Variants in DOCK8 observed in about 807,000 individuals in gnomAD.
DOCK8 encodes dedicator of cytokinesis 8, also known as dedicator of cytokinesis protein 8.
In DOCK8, 141 loss-of-function variants were observed where a neutral mutation model predicts 245.6. The observed-to-expected ratio is 0.57, with a 90% CI of 0.50 to 0.66. The LOEUF (loss-of-function observed/expected upper bound fraction) is 0.66. Among genes scored for constraint, DOCK8 ranks in the 30% least tolerant of loss-of-function variants. The pLI is 0.00. For missense variants in DOCK8, 2,965 were observed against 2,603.4 expected (o/e 1.14, Z -3.02); for synonymous variants, 1,168 against 970.2 (o/e 1.20, Z -3.79).
intron 8 of DOCK8, among the ~76,000 whole-genome samples, chr9:326,508 C>T (rs180983981): frequency 0.015 from 2,339 of 152,308 alleles, 21 homozygotes; most frequent in Non-Finnish European, 0.023. Flanking sequence ...GTTTCTGATT[C>T]AGCAAGTCCA....
At chr9:251,899 C>T (rs1444611545) in intron 1 of DOCK8, among the ~76,000 whole-genome samples, 1 of 151,416 alleles carries the variant, frequency 6.6e-6, no homozygotes, top group Non-Finnish European at 1.5e-5. Flanking sequence ...TTTAAGGGTA[C>T]ACCAAAAAGT....
At chr9:401,207 G>A (rs4740739) in intron 26 of DOCK8, among the ~76,000 whole-genome samples, 3 of 150,928 alleles carry the variant, frequency 2.0e-5, no homozygotes, top group African/African-American at 5.0e-5. Flanking sequence ...AAATAAGAAG[G>A]GGGGGTTGAG....
chr9:435,024 C>T (rs1326483923), intron 39 of DOCK8, 49 bp downstream of exon 39: 6 of 1,598,898 alleles, frequency 3.8e-6, no homozygotes, highest in East Asian at 4.5e-5. Flanking sequence ...TCAACTGGGG[C>T]GATTTTGTCC....
intron 1 of DOCK8, among the ~76,000 whole-genome samples, chr9:222,722 C>A (rs1007913038): frequency 6.6e-6 from 1 of 152,148 alleles, no homozygotes; most frequent in Non-Finnish European, 1.5e-5. Flanking sequence ...AACTTCTATC[C>A]TTTTTCACTT....
intron 23 of DOCK8, 99 bp downstream of exon 23, chr9:386,525 G>A (rs1222067691): frequency 1.4e-5 from 14 of 1,003,376 alleles, no homozygotes; most frequent in Non-Finnish European, 2.1e-5. Context: ...GTGCTCCCCT[G>A]CCTGTCCCTG....
intron 24 of DOCK8, among the ~76,000 whole-genome samples, chr9:395,572 G>GTGGC (rs1424734322): frequency 2.2e-5 from 3 of 134,228 alleles, no homozygotes; most frequent in Non-Finnish European, 5.0e-5. Flanking sequence ...TAGTATTGCA[G>GTGGC]TGGCTGTCTG....
At chr9:381,321 CTT>C (rs1406260982) in intron 21 of DOCK8, 2 of 152,060 alleles carry the variant, frequency 1.3e-5, no homozygotes, top group East Asian at 1.9e-4. Context: ...CTGAGAATCT[CTT>C]TTTTAAGATG....
At chr9:448,099 TC>T (rs2057320653) in intron 44 of DOCK8, among the ~76,000 whole-genome samples, 1 of 152,168 alleles carries the variant, frequency 6.6e-6, no homozygotes, top group South Asian at 2.1e-4. Flanking sequence ...TCTCTCTTTC[TC>T]TCTTTTTCAT....
At chr9:393,099 A>G (rs2054278683) in intron 24 of DOCK8, among the ~76,000 whole-genome samples, 2 of 149,094 alleles carry the variant, frequency 1.3e-5, no homozygotes, top group Non-Finnish European at 3.0e-5. Flanking sequence ...AAAAAAAAAA[A>G]AAAAAAAAAA....
At chr9:348,225 A>T (rs2051998981) in intron 14 of DOCK8, among the ~76,000 whole-genome samples, 1 of 152,148 alleles carries the variant, frequency 6.6e-6, no homozygotes, top group African/African-American at 2.4e-5. Flanking sequence ...CATTTTGGGG[A>T]GAGTTGCTTA....
intron 2 of DOCK8, among the ~76,000 whole-genome samples, chr9:281,825 G>T (rs953240003): frequency 2.0e-5 from 3 of 152,234 alleles, no homozygotes; most frequent in African/African-American, 7.2e-5. Flanking sequence ...CACTTGCCAA[G>T]GGCAAGACTA....
intron 22 of DOCK8, among the ~76,000 whole-genome samples, chr9:383,039 G>A (rs752775508): frequency 6.7e-6 from 1 of 150,276 alleles, no homozygotes; most frequent in Admixed American, 6.7e-5. Context: ...CTTTAATTTA[G>A]TTTTGTTTCT....
chr9:400,967 T>A (rs953281906), intron 26 of DOCK8, among the ~76,000 whole-genome samples: 649 of 41,664 alleles, frequency 0.016, 19 homozygotes, highest in African/African-American at 0.081. Context: ...CACCACCACC[T>A]CCTCCACCAT....
intron 2 of DOCK8, 76 bp from the exon 3 acceptor site, chr9:286,385 A>G: frequency 3.2e-6 from 5 of 1,543,704 alleles, no homozygotes; most frequent in South Asian, 1.2e-5. Context: ...AAGCAAGGCA[A>G]ACATCTACTA....
intron 1 of DOCK8, chr9:268,094 G>A (rs1192840682): frequency 6.6e-6 from 1 of 152,186 alleles, no homozygotes; most frequent in Non-Finnish European, 1.5e-5. Context: ...GCCTATTTCT[G>A]CTAGCTTAAT....
chr9:233,593 C>G (rs9695364), intron 1 of DOCK8, among the ~76,000 whole-genome samples: 1,707 of 151,800 alleles, frequency 0.011, 30 homozygotes, highest in African/African-American at 0.039. Flanking sequence ...GTATTGGGTG[C>G]ATATATATTT....
chr9:424,616 C>T (rs370264460), intron 33 of DOCK8, among the ~76,000 whole-genome samples: 4 of 152,018 alleles, frequency 2.6e-5, no homozygotes, highest in African/African-American at 9.7e-5. Context: ...CACCATGTTG[C>T]CCAGGCTGGT....
intron 32 of DOCK8, among the ~76,000 whole-genome samples, chr9:421,426 A>G (rs184097574): frequency 3.3e-5 from 5 of 152,306 alleles, no homozygotes; most frequent in African/African-American, 9.6e-5. Context: ...TGGCTAGTCT[A>G]TCCGGAGCAT....
intron 7 of DOCK8, among the ~76,000 whole-genome samples, chr9:322,821 A>T (rs1431566643): frequency 2.0e-5 from 3 of 152,156 alleles, no homozygotes; most frequent in Non-Finnish European, 4.4e-5. Context: ...GGCCTGGTGC[A>T]GTGGCTCACA....
Sources: gnomAD v4.1 joint callset for allele counts (sites outside exome capture counted in the v4.1 genomes callset) on GRCh38, gnomAD v4.1.1 for gene constraint, MANE v1.5 for transcripts, NCBI Gene and HGNC (gene_info 2026-07-23, HGNC 2026-07-21) for gene names.